IL12A: variants seen among roughly 807,000 people sequenced by gnomAD.
IL12A encodes the protein interleukin-12 subunit alpha.
A neutral mutation model predicts 23.5 loss-of-function variants in IL12A; 16 were observed. The observed-to-expected ratio is 0.68, with a 90% CI of 0.46 to 1.03. IL12A has a LOEUF of 1.03. Ranked by LOEUF, IL12A falls within the 50% of genes least tolerant of loss-of-function variation. The pLI is 0.00. For missense variants in IL12A, 275 were observed against 307.0 expected (o/e 0.90, Z 0.78); for synonymous variants, 106 against 111.5 (o/e 0.95, Z 0.31).
At position 159,995,563 on chromosome 3, in the gene IL12A, G is replaced by A; in HGVS notation, c.*4G>A. 1 of 1,577,708 alleles carries A rather than the reference G, an allele frequency of 6.3e-7. No homozygotes were observed. The highest frequency in any genetic ancestry group is 8.6e-7 in the Non-Finnish European group (1 of 1,165,596). ...GAGCTATCTGAATGCTTCCTAAAAA[G>A]CGAGGTCCCTCCAAACCGTTGTCAT... On this transcript the variant is annotated 3_prime_UTR_variant, in exon 7 of 7. Coordinates refer to ENST00000305579, the MANE Select transcript of IL12A (RefSeq NM_000882.4).
chr3:159,992,813 G>A (rs901535809), intron 2 of IL12A, among the ~76,000 whole-genome samples, 199 bp from the exon 3 acceptor site: 1 of 152,216 alleles, frequency 6.6e-6, no homozygotes, highest in Admixed American at 6.5e-5. Context: ...CCCAAGCTTA[G>A]GGAGAGGAGG....
At chr3:159,995,144 A>T (rs1265993825) in intron 6 of IL12A, among the ~76,000 whole-genome samples, 1 of 152,222 alleles carries the variant, frequency 6.6e-6, no homozygotes, top group Non-Finnish European at 1.5e-5. Flanking sequence ...TCTAAGACAC[A>T]ACTCCCACTG....
chr3:159,992,853 T>C lies in IL12A; in HGVS notation c.265-159T>C, dbSNP rs555493555. Among the ~76,000 whole-genome samples, 22 of 152,334 alleles carry C rather than the reference T, an allele frequency of 1.4e-4. No individual in the cohort carries two copies. The South Asian group carries it at 2.1e-3, about 14-fold the overall frequency. On this transcript the variant is annotated intron_variant, in intron 2 of 6. Coordinates refer to ENST00000305579, the MANE Select transcript of IL12A (RefSeq NM_000882.4). ...GAGACAGAATGTAAGGAATCTATTT[T>C]CTTTTGTATTATGAAGAACCAGAAT...
intron 6 of IL12A, among the ~76,000 whole-genome samples, chr3:159,994,779 A>C (rs1720439575): frequency 6.6e-6 from 1 of 152,162 alleles, no homozygotes; most frequent in African/African-American, 2.4e-5. Context: ...ACTATTCCCA[A>C]GTCACTTAAC....
At chr3:159,991,584 G>A (rs1003245783) in intron 2 of IL12A, among the ~76,000 whole-genome samples, 2 of 152,226 alleles carry the variant, frequency 1.3e-5, no homozygotes, top group African/African-American at 4.8e-5. Context: ...TCCGGGAATA[G>A]TGTATTCATT....
intron 6 of IL12A, 26 bp downstream of exon 6, chr3:159,993,870 G>A (rs369508050): frequency 1.6e-4 from 256 of 1,611,398 alleles, no homozygotes; most frequent in Non-Finnish European, 2.0e-4. Flanking sequence ...ATCAGTGAGA[G>A]CACCTTTTTC....
chr3:159,992,212 C>T (rs955915566), intron 2 of IL12A, among the ~76,000 whole-genome samples: 1 of 152,138 alleles, frequency 6.6e-6, no homozygotes, highest in East Asian at 1.9e-4. Context: ...GTGGGTGTCC[C>T]AACTCTAGGA....
At position 159,995,482 on chromosome 3, in the gene IL12A, CT is replaced by C; in HGVS notation, c.686del (p.Leu229ProfsTer13). 1.2e-6 allele frequency: 2 copies of C among 1,607,716 alleles called. No individual in the cohort carries two copies. The highest frequency in any genetic ancestry group is 1.7e-6 in the Non-Finnish European group (2 of 1,177,132). On this transcript the variant is annotated frameshift_variant, in exon 7 of 7. Transcript: ENST00000305579. LOFTEE classifies it high-confidence loss of function. ...GGATTTTTATAAAACTAAAATCAAG[CT>C]CTGCATACTTCTTCATGCTTTCAGA...
rs1720379614 is a variant in IL12A at position 159,993,239 on chromosome 3, G to A, written c.378+114G>A. Reference sequence around the variant, plus strand: ...ATCCATCATTATGGGATTTTAACTGGTCCTACTTCAGAAGTTAGATTTGGG... The same window carrying A: ...ATCCATCATTATGGGATTTTAACTGATCCTACTTCAGAAGTTAGATTTGGG... On this transcript the variant is annotated intron_variant, in intron 3 of 6. Transcript: ENST00000305579. The A allele has an allele frequency of 6.6e-6, 5 of 752,820 alleles. No homozygotes were observed. The East Asian group carries it at 1.3e-4, about 19-fold the overall frequency. The allele number at this position is 752,820 out of a possible 1,614,324, so 46.6% of individuals were successfully genotyped here. A position where few individuals can be genotyped will look rare whatever the true frequency, so the allele number is the denominator to read the frequency against.
At position 159,995,535 on chromosome 3, in the gene IL12A, G is replaced by A; in HGVS notation, c.738G>A (p.Val246=). 1 of 1,603,720 alleles carries A rather than the reference G, an allele frequency of 6.2e-7. No homozygotes were observed. The highest frequency in any genetic ancestry group is 8.5e-7 in the Non-Finnish European group (1 of 1,175,888). Residue 246 remains valine (V), a synonymous_variant, in exon 7 of 7, where the codon GTG becomes GTA. Coordinates refer to ENST00000305579, the MANE Select transcript of IL12A (RefSeq NM_000882.4). ...TTCGGGCAGTGACTATTGATAGAGT[G>A]ATGAGCTATCTGAATGCTTCCTAAA...
Position 159,989,039 on chromosome 3 carries a change from C to T in IL12A, c.-18C>T, listed in dbSNP as rs1577554787. On this transcript the variant is annotated 5_prime_UTR_variant, in exon 1 of 7. Coordinates refer to ENST00000305579, the MANE Select transcript of IL12A (RefSeq NM_000882.4). ...GAGTCCCGGGAAAGTCCTGCCGCGC[C>T]TCGGGACAATTATAAAAATGTGGCC... 6.2e-7 allele frequency: 1 copy of T among 1,602,322 alleles called. No homozygotes were observed. The highest frequency in any genetic ancestry group is 1.1e-5 in the South Asian group (1 of 90,836).
chr3:159,989,048 A>G lies in IL12A; in HGVS notation c.-9A>G. The G allele has an allele frequency of 1.2e-6, 2 of 1,610,460 alleles. No homozygotes were observed. The highest frequency in any genetic ancestry group is 8.5e-7 in the Non-Finnish European group (1 of 1,177,060). On this transcript the variant is annotated 5_prime_UTR_variant, in exon 1 of 7. Coordinates refer to ENST00000305579, the MANE Select transcript of IL12A (RefSeq NM_000882.4). Reference sequence around the variant, plus strand: ...GAAAGTCCTGCCGCGCCTCGGGACAATTATAAAAATGTGGCCCCCTGGGTC... The same window carrying G: ...GAAAGTCCTGCCGCGCCTCGGGACAGTTATAAAAATGTGGCCCCCTGGGTC...
At chr3:159,990,780 C>T (rs1299178206) in intron 2 of IL12A, among the ~76,000 whole-genome samples, 1 of 152,180 alleles carries the variant, frequency 6.6e-6, no homozygotes, top group African/African-American at 2.4e-5. Context: ...CTTGGAGCAA[C>T]ACATCTCAGG....
chr3:159,989,011 C>A lies in IL12A; in HGVS notation c.-46C>A. 3.5e-6 allele frequency: 5 copies of A among 1,432,700 alleles called. No individual in the cohort carries two copies. In the South Asian group the frequency reaches 4.6e-5, roughly 13 times the overall value. 88.7% of individuals were successfully genotyped at this position (1,432,700 alleles called of 1,614,324 possible). On this transcript the variant is annotated 5_prime_UTR_variant, in exon 1 of 7. Transcript: ENST00000305579. ...ACAGAAGGAGACAGAAAGCAAGAGA[C>A]CAGAGTCCCGGGAAAGTCCTGCCGC...
intron 6 of IL12A, among the ~76,000 whole-genome samples, chr3:159,995,111 T>A (rs1385850078): frequency 6.6e-6 from 1 of 152,216 alleles, no homozygotes; most frequent in Non-Finnish European, 1.5e-5. Flanking sequence ...GCAGCAGATG[T>A]CATTTTAAAG....
At chr3:159,990,965 C>T (rs1395009618) in intron 2 of IL12A, among the ~76,000 whole-genome samples, 1 of 152,216 alleles carries the variant, frequency 6.6e-6, no homozygotes, top group African/African-American at 2.4e-5. Context: ...AAGATGTCCT[C>T]TGCCTTTCTG....
At chr3:159,991,101 T>C (rs1054553587) in intron 2 of IL12A, among the ~76,000 whole-genome samples, 1 of 152,214 alleles carries the variant, frequency 6.6e-6, no homozygotes, top group African/African-American at 2.4e-5. Flanking sequence ...TAATGTGCTG[T>C]GCATTGCTCC....
chr3:159,990,952 T>G (rs374574594), intron 2 of IL12A, among the ~76,000 whole-genome samples: 6 of 152,260 alleles, frequency 3.9e-5, no homozygotes, highest in African/African-American at 1.4e-4. Flanking sequence ...GCTAATGTTT[T>G]AAAAGATGTC....
chr3:159,995,376 A>G (rs1339717562), intron 6 of IL12A, 28 bp from the exon 7 acceptor site: 3 of 1,529,274 alleles, frequency 2.0e-6, no homozygotes, highest in Admixed American at 2.1e-5. Flanking sequence ...AATACCATGT[A>G]AGTCATGCTT....
Sources: gnomAD v4.1 joint callset for allele counts (sites outside exome capture counted in the v4.1 genomes callset) on GRCh38, gnomAD v4.1.1 for gene constraint, MANE v1.5 for transcripts, NCBI Gene and HGNC (gene_info 2026-07-23, HGNC 2026-07-21) for gene names.